C5orf34: variants seen among roughly 807,000 people sequenced by gnomAD.
C5orf34 encodes the protein chromosome 5 open reading frame 34.
In C5orf34, 73 loss-of-function variants were observed where a neutral mutation model predicts 78.4. The ratio of observed to expected loss-of-function variants is 0.93; its 90% CI spans 0.77 to 1.13. The LOEUF (loss-of-function observed/expected upper bound fraction) is 1.13, where lower values mean the gene tolerates loss of function less well. Ranked by LOEUF, C5orf34 falls within the 50% of genes most tolerant of loss-of-function variation. C5orf34 has a pLI of 0.00. For synonymous variants in C5orf34, 251 were observed against 246.6 expected (o/e 1.02, Z -0.17); for missense variants, 730 against 732.7 (o/e 1.00, Z 0.04).
intron 3 of C5orf34, among the ~76,000 whole-genome samples, chr5:43,507,245 C>A (rs187116930): frequency 6.6e-6 from 1 of 152,254 alleles, no homozygotes; most frequent in Non-Finnish European, 1.5e-5. Context: ...GTAGATATTG[C>A]GTGAGAGGTT....
chr5:43,487,959 G>C lies in C5orf34; in HGVS notation c.1680-10C>G. On this transcript the variant is annotated splice_polypyrimidine_tract_variant and intron_variant, in intron 11 of 12. Coordinates refer to ENST00000306862, the MANE Select transcript of C5orf34 (RefSeq NM_198566.4). The stretch of plus-strand genomic sequence containing the variant: ...TTCAGAAGCAACAGACCTGTCCAAG[G>C]AAAAAGAAAAAATTCATTCAGTTGT... The C allele has an allele frequency of 6.3e-7, 1 of 1,596,308 alleles. No homozygotes were observed. Among genetic ancestry groups the C allele is most frequent in the Non-Finnish European group, 8.5e-7 (1 of 1,170,030 alleles).
chr5:43,495,498 G>A (rs1579861009), intron 6 of C5orf34: 8 of 1,607,086 alleles, frequency 5.0e-6, no homozygotes, highest in East Asian at 2.2e-5. Flanking sequence ...TTGCCACGAC[G>A]AACATCCTTG....
chr5:43,511,416 G>C (rs1178782347), intron 1 of C5orf34: 1 of 153,126 alleles, frequency 6.5e-6, no homozygotes, highest in Non-Finnish European at 1.4e-5. Context: ...GGAGGTGGGG[G>C]GCGCCTCCGC....
chr5:43,486,772 T>C lies in C5orf34; in HGVS notation c.*143A>G, dbSNP rs1053737438. 9.6e-6 allele frequency: 4 copies of C among 418,756 alleles called. No individual in the cohort carries two copies. Among genetic ancestry groups the C allele is most frequent in the Non-Finnish European group, 1.7e-5 (4 of 234,258 alleles). The allele number at this position is 418,756 out of a possible 1,614,324, so 25.9% of individuals were successfully genotyped here. A position where few individuals can be genotyped will look rare whatever the true frequency, so the allele number is the denominator to read the frequency against. ...ATTTTAAAAATGTACAAGTTAAAAA[T>C]ACCTTCAAAGTTAAATGTCAGTTCT... On this transcript the variant is annotated 3_prime_UTR_variant, in exon 13 of 13. Coordinates refer to ENST00000306862, the MANE Select transcript of C5orf34 (RefSeq NM_198566.4).
At chr5:43,487,826 T>G (rs1745125706) in intron 12 of C5orf34, 83 bp downstream of exon 12, 2 of 1,014,296 alleles carry the variant, frequency 2.0e-6, no homozygotes, top group Admixed American at 4.7e-5. Flanking sequence ...TAGATTAATA[T>G]TCACAAAGTA....
In C5orf34 at chr5:43,492,734, T is replaced by C. The variant is rs746852795; in HGVS notation, c.1471A>G (p.Ile491Val). Residue 491 changes from isoleucine (I) to valine (V), a missense_variant, in exon 9 of 13, where the codon ATT (isoleucine) becomes GTT (valine). Transcript: ENST00000306862. ...LTLNWNFSSP[I>V]EKRQVNQGLN... ...AGTATACCCACCTGTCTCTTCTCAA[T>C]AGGAGAGCTGAAATTCCAATTTAGG... The C allele has an allele frequency of 1.2e-6, 2 of 1,612,484 alleles. No individual in the cohort carries two copies. The highest frequency in any genetic ancestry group is 1.7e-6 in the Non-Finnish European group (2 of 1,179,072).
In C5orf34 at chr5:43,494,507, T is replaced by C; in HGVS notation, c.1244+3A>G. On this transcript the variant is annotated splice_donor_region_variant and intron_variant, in intron 7 of 12. Transcript: ENST00000306862. ...TTGATTCAATTGAATGGGAAGAACT[T>C]ACCTTGTTGCCTGTTTAATTAGAGA... 1 of 1,590,352 alleles carries C rather than the reference T, an allele frequency of 6.3e-7. No homozygotes were observed. Among genetic ancestry groups the C allele is most frequent in the Non-Finnish European group, 8.6e-7 (1 of 1,161,980 alleles).
At chr5:43,501,178 T>G (rs1211952331) in intron 6 of C5orf34, among the ~76,000 whole-genome samples, 1 of 152,254 alleles carries the variant, frequency 6.6e-6, no homozygotes, top group Non-Finnish European at 1.5e-5. Context: ...CTTGCAATTT[T>G]GCACACCCTC....
chr5:43,502,642 T>G, intron 5 of C5orf34, 147 bp from the exon 6 acceptor site: 1 of 588,308 alleles, frequency 1.7e-6, no homozygotes, highest in Non-Finnish European at 3.0e-6. Context: ...AATTTCATAT[T>G]CTGAACCCAA....
chr5:43,501,185 C>A (rs1269079074), intron 6 of C5orf34, among the ~76,000 whole-genome samples: 2 of 152,176 alleles, frequency 1.3e-5, no homozygotes, highest in Non-Finnish European at 2.9e-5. Context: ...TTTTGCACAC[C>A]CTCTGATATA....
intron 4 of C5orf34, chr5:43,505,401 A>G (rs1303626290): frequency 5.4e-6 from 1 of 184,030 alleles, no homozygotes; most frequent in Non-Finnish European, 1.1e-5. Flanking sequence ...AGCCCTGTGC[A>G]GACTCCTGTC....
chr5:43,494,489 A>G, intron 7 of C5orf34, 21 bp downstream of exon 7: 1 of 1,501,288 alleles, frequency 6.7e-7, no homozygotes, highest in Non-Finnish European at 9.2e-7. Context: ...CATTTGATTC[A>G]ATTGAATGGG....
intron 3 of C5orf34, among the ~76,000 whole-genome samples, chr5:43,506,802 T>C (rs1428271497): frequency 6.6e-6 from 1 of 151,978 alleles, no homozygotes; most frequent in Non-Finnish European, 1.5e-5. Flanking sequence ...TAGCTAAAAA[T>C]TTTTCTTTAA....
intron 4 of C5orf34, 80 bp downstream of exon 4, chr5:43,505,668 T>C: frequency 1.4e-6 from 2 of 1,402,114 alleles, no homozygotes; most frequent in South Asian, 1.6e-5. Context: ...TTGTGAATGG[T>C]ATCAGATAAA....
At chr5:43,505,723 T>C (rs770351651) in intron 4 of C5orf34, 25 bp downstream of exon 4, 19 of 1,509,508 alleles carry the variant, frequency 1.3e-5, no homozygotes, top group Non-Finnish European at 8.8e-7. Flanking sequence ...AAAAGCTTCA[T>C]GACCAATAGC....
At position 43,494,551 on chromosome 5, in the gene C5orf34, TC is replaced by T. The variant is rs1174956114; in HGVS notation, c.1202del (p.Gly401GlufsTer9). The part of the protein sequence containing the change: ...SVNNLPPDRP[G>X]SPFTVGSLIK... The stretch of plus-strand genomic sequence containing the variant: ...TTAGAGAACCGACAGTGAATGGACT[TC>T]CCGGTCTATCTGGAGGAAGGTTATT... On this transcript the variant is annotated frameshift_variant, in exon 7 of 13. Coordinates refer to ENST00000306862, the MANE Select transcript of C5orf34 (RefSeq NM_198566.4). LOFTEE classifies it high-confidence loss of function. The T allele has an allele frequency of 1.3e-5, 21 of 1,608,778 alleles. No homozygotes were observed. The highest frequency in any genetic ancestry group is 1.8e-5 in the Non-Finnish European group (21 of 1,176,636).
chr5:43,503,735 G>A lies in C5orf34; in HGVS notation c.958C>T (p.Gln320Ter). ...HRWNFCDSLL[Q>*]RQSDEYSYPE... is the part of the protein sequence containing the mutation. ...TAGGAATATTCATCAGATTGTCTCT[G>A]TAAAAGTGAATCACAAAAATTCCAC... Residue 320 changes from glutamine (Q) to a stop codon, truncating the protein, a stop_gained, in exon 5 of 13, where the codon CAG becomes TAG. Coordinates refer to ENST00000306862, the MANE Select transcript of C5orf34 (RefSeq NM_198566.4). LOFTEE classifies it high-confidence loss of function. 3 of 1,613,088 alleles carry A rather than the reference G, an allele frequency of 1.9e-6. No homozygotes were observed. Among genetic ancestry groups the A allele is most frequent in the Non-Finnish European group, 2.5e-6 (3 of 1,179,198 alleles).
At chr5:43,488,718 AT>A (rs1745156214) in intron 11 of C5orf34, among the ~76,000 whole-genome samples, 1 of 152,144 alleles carries the variant, frequency 6.6e-6, no homozygotes, top group African/African-American at 2.4e-5. Flanking sequence ...GAGGGCTAAT[AT>A]ATACGTCTCC....
intron 1 of C5orf34, 128 bp downstream of exon 1, chr5:43,514,678 T>C (rs1342672440): frequency 6.6e-6 from 1 of 152,202 alleles, no homozygotes; most frequent in African/African-American, 2.4e-5. Flanking sequence ...CGTCAGGGTA[T>C]GTTTAACACT....
Sources: allele counts gnomAD v4.1 joint callset (sites outside exome capture counted in the v4.1 genomes callset), GRCh38; gene constraint gnomAD v4.1.1; transcripts MANE v1.5; gene names NCBI Gene and HGNC (gene_info 2026-07-23, HGNC 2026-07-21).